Variants in DLGAP1 observed in about 807,000 individuals in gnomAD.
DLGAP1 encodes disks large-associated protein 1.
DLGAP1 carries 11 observed loss-of-function variants against 90.8 expected under a neutral mutation model. The ratio of observed to expected loss-of-function variants is 0.12; its 90% CI spans 0.08 to 0.20. The LOEUF is 0.20. Ranked by LOEUF, DLGAP1 falls within the 10% of genes least tolerant of loss-of-function variation. The pLI is 1.00. For synonymous variants in DLGAP1, 558 were observed against 540.7 expected (o/e 1.03, Z -0.44); for missense variants, 1,050 against 1,333.8 (o/e 0.79, Z 3.31).
At chr18:4,316,431 G>T (rs1598884021) in intron 1 of DLGAP1, among the ~76,000 whole-genome samples, 1 of 152,206 alleles carries the variant, frequency 6.6e-6, no homozygotes, top group East Asian at 1.9e-4. Context: ...ATCAGGCAGG[G>T]TCGGGTGGCA....
At chr18:3,976,528 A>AT (rs1258586805) in intron 3 of DLGAP1, among the ~76,000 whole-genome samples, 1 of 152,116 alleles carries the variant, frequency 6.6e-6, no homozygotes, top group East Asian at 1.9e-4. Context: ...TTCCCTGCAT[A>AT]TTTTTATATA....
At chr18:3,800,960 G>A (rs1442885807) in intron 5 of DLGAP1, among the ~76,000 whole-genome samples, 3 of 152,080 alleles carry the variant, frequency 2.0e-5, no homozygotes, top group African/African-American at 4.8e-5. Context: ...GATTCTGCAG[G>A]GTTTATAGGA....
At chr18:3,566,623 A>G (rs1048989230) in intron 9 of DLGAP1, among the ~76,000 whole-genome samples, 2 of 152,154 alleles carry the variant, frequency 1.3e-5, no homozygotes, top group Non-Finnish European at 2.9e-5. Context: ...TGGATGGATA[A>G]TGGAAGGATG....
chr18:4,416,198 C>G (rs1012856973), intron 1 of DLGAP1, among the ~76,000 whole-genome samples: 3 of 152,084 alleles, frequency 2.0e-5, no homozygotes, highest in Admixed American at 2.0e-4. Context: ...AATATGTTCA[C>G]ACTTCATCAT....
At position 3,759,280 on chromosome 18, in the gene DLGAP1, C is replaced by A. The variant is rs537390492; in HGVS notation, c.1173-16768G>T. ...GCCAAAAAAAAAAAAAAACAAAACC[C>A]AACCTGATTTGGTTGGGGATTTCTG... On this transcript the variant is annotated intron_variant, in intron 5 of 12. Coordinates refer to ENST00000315677, the MANE Select transcript of DLGAP1 (RefSeq NM_004746.4). 3.9e-3 allele frequency among the ~76,000 whole-genome samples: 596 copies of A among 151,522 alleles called. 5 individuals carry two copies. The highest frequency in any genetic ancestry group is 0.014 in the Middle Eastern group (4 of 294).
At chr18:4,291,428 A>G (rs1463931397) in intron 1 of DLGAP1, among the ~76,000 whole-genome samples, 1 of 152,160 alleles carries the variant, frequency 6.6e-6, no homozygotes, top group Non-Finnish European at 1.5e-5. Flanking sequence ...TATTGTTTAT[A>G]GAACTTTCCA....
Position 3,879,544 on chromosome 18 carries a change from C to A in DLGAP1, c.525G>T (p.Ala175=). Residue 175 remains alanine (A), a synonymous_variant, in exon 4 of 13, where the codon GCG becomes GCT. Transcript: ENST00000315677. This position sits in a 1 kb window ranked among gnomAD's most constrained non-coding sequence, Gnocchi z 6.6. ...GGKASPDEAQ[A]ARYGKRSKSK... ...TCTTGCTGCGTTTGCCATAGCGCGC[C>A]GCCTGCGCCTCGTCAGGGCTGGCCT... 1.9e-6 allele frequency: 3 copies of A among 1,599,420 alleles called. No individual in the cohort carries two copies. The highest frequency in any genetic ancestry group is 2.5e-6 in the Non-Finnish European group (3 of 1,177,900).
At chr18:3,780,992 A>T (rs977840031) in intron 5 of DLGAP1, among the ~76,000 whole-genome samples, 3 of 152,076 alleles carry the variant, frequency 2.0e-5, no homozygotes, top group Non-Finnish European at 4.4e-5. Context: ...AAAAATTTTT[A>T]AAAACGTTTT....
intron 1 of DLGAP1, among the ~76,000 whole-genome samples, chr18:4,358,982 G>C (rs943868709): frequency 1.3e-5 from 2 of 152,198 alleles, no homozygotes; most frequent in Non-Finnish European, 2.9e-5. Flanking sequence ...AAATGCTGGC[G>C]GGGATGAGGG....
At chr18:4,173,777 T>A (rs1321906995) in intron 1 of DLGAP1, among the ~76,000 whole-genome samples, 2 of 152,218 alleles carry the variant, frequency 1.3e-5, no homozygotes, top group Non-Finnish European at 2.9e-5. Flanking sequence ...ACAGACCTGA[T>A]GGAAGCTCAA....
intron 7 of DLGAP1, among the ~76,000 whole-genome samples, chr18:3,718,348 G>GTGC (rs1167803139): frequency 6.6e-6 from 1 of 151,996 alleles, no homozygotes; most frequent in Non-Finnish European, 1.5e-5. Context: ...GAGGCACTGT[G>GTGC]TGCTGGGTAC....
intron 9 of DLGAP1, among the ~76,000 whole-genome samples, chr18:3,548,761 G>T (rs1349877921): frequency 2.0e-5 from 3 of 152,230 alleles, no homozygotes; most frequent in African/African-American, 7.2e-5. Flanking sequence ...ACTAGGCCAG[G>T]TGCAGTGGTT....
chr18:4,001,072 A>T (rs6506152), intron 3 of DLGAP1, among the ~76,000 whole-genome samples: 106,622 of 151,820 alleles, frequency 0.7, 37,566 homozygotes, highest in East Asian at 0.77. Flanking sequence ...TTTCTATGCC[A>T]TTTTCATATG....
In DLGAP1 at chr18:4,420,628, T is replaced by C. The variant is rs1288052217; in HGVS notation, c.-267+34378A>G. Among the ~76,000 whole-genome samples, 4 of 152,152 alleles carry C rather than the reference T, an allele frequency of 2.6e-5. No homozygotes were observed. The East Asian group carries it at 7.7e-4, about 29-fold the overall frequency. ...GGAAGACCTCATCCATACCCAAGGA[T>C]TTAGTTATTGCTATGCACTGATAAA... On this transcript the variant is annotated intron_variant, in intron 1 of 12. Transcript: ENST00000315677.
intron 5 of DLGAP1, among the ~76,000 whole-genome samples, chr18:3,764,704 A>G (rs1403283244): frequency 6.6e-6 from 1 of 152,240 alleles, no homozygotes; most frequent in Non-Finnish European, 1.5e-5. Flanking sequence ...CTCTTCGGGA[A>G]AGTGAGATGA....
chr18:4,424,399 C>A (rs2083107224), intron 1 of DLGAP1, among the ~76,000 whole-genome samples: 1 of 152,100 alleles, frequency 6.6e-6, no homozygotes, highest in South Asian at 2.1e-4. Flanking sequence ...TTACATTTTC[C>A]AGAATTCACC....
chr18:3,664,793 G>T (rs921440582), intron 7 of DLGAP1, among the ~76,000 whole-genome samples: 31 of 152,290 alleles, frequency 2.0e-4, no homozygotes, highest in African/African-American at 7.2e-4. Context: ...CACCATGTCT[G>T]GACATAGTAA....
intron 3 of DLGAP1, among the ~76,000 whole-genome samples, chr18:3,987,817 C>T (rs955611815): frequency 1.3e-5 from 2 of 151,978 alleles, no homozygotes; most frequent in African/African-American, 2.4e-5. Context: ...AATCATTAGA[C>T]TAAGAGTATG....
At chr18:3,536,849 G>A (rs2052408879) in intron 9 of DLGAP1, among the ~76,000 whole-genome samples, 1 of 152,156 alleles carries the variant, frequency 6.6e-6, no homozygotes, top group Non-Finnish European at 1.5e-5. Flanking sequence ...GAAGGTGGGA[G>A]GGGAGAGACA....
Sources: gnomAD v4.1 joint callset for allele counts (sites outside exome capture counted in the v4.1 genomes callset) on GRCh38, gnomAD v4.1.1 for gene constraint, Gnocchi (gnomAD v3.1) non-coding constraint, MANE v1.5 for transcripts, NCBI Gene and HGNC (gene_info 2026-07-23, HGNC 2026-07-21) for gene names.